The following NRXN3 variants were observed in gnomAD, a reference collection of about 807,000 sequenced individuals.
The protein encoded by NRXN3 is neurexin 3, also known as neurexin III.
Under a neutral mutation model 137.6 loss-of-function variants are expected in NRXN3, and 32 were observed. The ratio of observed to expected loss-of-function variants is 0.23; its 90% CI spans 0.18 to 0.31. NRXN3 has a LOEUF of 0.31. NRXN3 is among the 10% of genes least tolerant of loss of function. The pLI, the probability that NRXN3 is intolerant of heterozygous loss-of-function variation, is 1.00. For missense variants in NRXN3, 1,574 were observed against 2,062.5 expected, an observed-to-expected ratio of 0.76 and a Z score of 4.59; for synonymous variants, 798 against 784.5, an observed-to-expected ratio of 1.02 and a Z score of -0.29.
chr14:78,392,704 A>G (rs556137039), intron 4 of NRXN3, among the ~76,000 whole-genome samples: 55 of 152,266 alleles, frequency 3.6e-4, no homozygotes, highest in African/African-American at 1.2e-3. Flanking sequence ...AATGTTGGCT[A>G]TTATTGTATT....
chr14:78,188,837 G>A (rs1375842203), intron 1 of NRXN3, among the ~76,000 whole-genome samples: 1 of 152,090 alleles, frequency 6.6e-6, no homozygotes. Flanking sequence ...GAATATTGAG[G>A]AGTTATCAGT....
At chr14:79,027,081 G>GTT (rs368625128) in intron 15 of NRXN3, among the ~76,000 whole-genome samples, 7 of 133,544 alleles carry the variant, frequency 5.2e-5, no homozygotes, top group African/African-American at 1.4e-4. Context: ...TTCTATTGAA[G>GTT]TTTTTTTTTT....
chr14:78,205,552 G>A lies in NRXN3; in HGVS notation c.-704+34878G>A, dbSNP rs115174775. Among the ~76,000 whole-genome samples the A allele has an allele frequency of 4.7e-3, 718 of 152,364 alleles. 8 individuals are homozygous for A. The highest frequency in any genetic ancestry group is 0.016 in the African/African-American group (679 of 41,584). ...AATTGAGGTGAAAGATCAAAAAGTT[G>A]ATTGTGGCTTGGCTTAGGCCAAGAG... On this transcript the variant is annotated intron_variant, in intron 1 of 20. Coordinates refer to ENST00000335750, the MANE Select transcript of NRXN3 (RefSeq NM_001330195.2).
chr14:78,950,652 G>T (rs1274048515), intron 10 of NRXN3, among the ~76,000 whole-genome samples: 1 of 151,080 alleles, frequency 6.6e-6, no homozygotes, highest in Non-Finnish European at 1.5e-5. Context: ...AAAGAAGGAA[G>T]GAAGGAAAAA....
chr14:79,858,952 A>T (rs752596637), intron 20 of NRXN3, among the ~76,000 whole-genome samples: 3 of 149,130 alleles, frequency 2.0e-5, no homozygotes, highest in Non-Finnish European at 4.4e-5. Context: ...GTTGTAAGGC[A>T]TATGAATTAT....
intron 4 of NRXN3, among the ~76,000 whole-genome samples, chr14:78,304,181 G>T (rs1209879041): frequency 6.6e-6 from 1 of 152,118 alleles, no homozygotes; most frequent in East Asian, 1.9e-4. Context: ...ACGTGTTCTG[G>T]CTCCACTTCC....
chr14:79,211,932 A>G (rs1325960791), intron 15 of NRXN3, among the ~76,000 whole-genome samples: 1 of 152,168 alleles, frequency 6.6e-6, no homozygotes, highest in Non-Finnish European at 1.5e-5. Context: ...AAGGAATTAA[A>G]ACACTTGAGG....
intron 20 of NRXN3, among the ~76,000 whole-genome samples, chr14:79,820,572 TATC>T (rs1359910003): frequency 2.0e-5 from 3 of 152,200 alleles, no homozygotes; most frequent in Non-Finnish European, 4.4e-5. Flanking sequence ...TATGTAAACA[TATC>T]ATGCGGTTTT....
intron 4 of NRXN3, among the ~76,000 whole-genome samples, chr14:78,439,203 G>T (rs1488814035): frequency 6.6e-6 from 1 of 152,114 alleles, no homozygotes; most frequent in African/African-American, 2.4e-5. Flanking sequence ...AACCCCAGAG[G>T]AGGGAAGAAT....
chr14:79,344,923 A>G (rs1239253318), intron 15 of NRXN3, among the ~76,000 whole-genome samples: 5 of 151,980 alleles, frequency 3.3e-5, no homozygotes, highest in Non-Finnish European at 7.4e-5. Context: ...AATATCATGG[A>G]CTCTTTATGT....
intron 16 of NRXN3, among the ~76,000 whole-genome samples, chr14:79,598,506 A>T (rs886682491): frequency 6.6e-6 from 1 of 152,210 alleles, no homozygotes; most frequent in African/African-American, 2.4e-5. Context: ...TACTCTGCTC[A>T]TCAGGGATCC....
chr14:78,983,442 C>T (rs1424329867), intron 14 of NRXN3, among the ~76,000 whole-genome samples: 1 of 152,170 alleles, frequency 6.6e-6, no homozygotes, highest in Non-Finnish European at 1.5e-5. Flanking sequence ...GGTATATGTA[C>T]ACGATGCAAT....
At chr14:78,254,886 C>G (rs1027284245) in intron 2 of NRXN3, among the ~76,000 whole-genome samples, 6 of 151,608 alleles carry the variant, frequency 4.0e-5, no homozygotes, top group Non-Finnish European at 5.9e-5. Context: ...TGACATGAAG[C>G]AGTATTGAGT....
chr14:79,843,323 TA>T (rs1265868643), intron 20 of NRXN3, among the ~76,000 whole-genome samples: 2 of 152,332 alleles, frequency 1.3e-5, no homozygotes, highest in African/African-American at 4.8e-5. Flanking sequence ...AATACTTTGA[TA>T]AAAAATACTT....
intron 10 of NRXN3, among the ~76,000 whole-genome samples, chr14:78,905,970 C>T (rs1050228339): frequency 2.0e-5 from 3 of 151,764 alleles, no homozygotes; most frequent in African/African-American, 7.3e-5. Flanking sequence ...AGGGCAGTGG[C>T]TAAAACTGGA....
chr14:78,983,144 A>G (rs1406194088), intron 14 of NRXN3, among the ~76,000 whole-genome samples: 1 of 152,154 alleles, frequency 6.6e-6, no homozygotes, highest in East Asian at 1.9e-4. Context: ...AACAACAACA[A>G]CAAGTATTGG....
intron 15 of NRXN3, chr14:79,200,886 G>C (rs937106316): frequency 8.2e-6 from 1 of 121,654 alleles, no homozygotes; most frequent in Non-Finnish European, 1.6e-5. Context: ...TCAGGGGACA[G>C]AAAGAACATA....
At chr14:78,864,692 T>C (rs997419311) in intron 10 of NRXN3, among the ~76,000 whole-genome samples, 5 of 152,284 alleles carry the variant, frequency 3.3e-5, no homozygotes, top group Middle Eastern at 3.4e-3. Context: ...TTGGAGCCTT[T>C]GAAGGGAAGA....
At chr14:79,105,272 A>G (rs1443782738) in intron 15 of NRXN3, among the ~76,000 whole-genome samples, 1 of 152,148 alleles carries the variant, frequency 6.6e-6, no homozygotes, top group African/African-American at 2.4e-5. Context: ...ATGCACAGGT[A>G]TTATCTCTAC....
Sources: allele counts gnomAD v4.1 joint callset (sites outside exome capture counted in the v4.1 genomes callset), GRCh38; gene constraint gnomAD v4.1.1; transcripts MANE v1.5; gene names NCBI Gene and HGNC (gene_info 2026-07-23, HGNC 2026-07-21).